MACF1: variants seen among roughly 807,000 people sequenced by gnomAD.
MACF1 encodes microtubule actin crosslinking factor 1.
Under a neutral mutation model 854.8 loss-of-function variants are expected in MACF1, and 193 were observed. That is an observed-to-expected ratio of 0.23 (90% confidence interval 0.20 to 0.25). The LOEUF (loss-of-function observed/expected upper bound fraction) is 0.25, where lower values mean the gene tolerates loss of function less well. MACF1 is among the 10% of genes least tolerant of loss of function. MACF1 has a pLI of 1.00. For missense variants in MACF1, 7,722 were observed against 8,929.1 expected, an observed-to-expected ratio of 0.86 and a Z score of 5.45; for synonymous variants, 3,185 against 3,226.7, an observed-to-expected ratio of 0.99 and a Z score of 0.44.
At chr1:39,359,604 A>G in intron 47 of MACF1, among the ~76,000 whole-genome samples, 1 of 152,096 alleles carries the variant, frequency 6.6e-6, no homozygotes, top group East Asian at 1.9e-4. Flanking sequence ...ATGCTTACCA[A>G]GCGTGGTGAA....
intron 53 of MACF1, 126 bp downstream of exon 53, chr1:39,378,649 C>G (rs1649918709): frequency 1.1e-6 from 1 of 916,920 alleles, no homozygotes; most frequent in African/African-American, 1.6e-5. Flanking sequence ...GGATAAAAAT[C>G]TGGGGAGAAG....
chr1:39,318,062 T>G (rs1290203958), intron 29 of MACF1, among the ~76,000 whole-genome samples: 2 of 152,180 alleles, frequency 1.3e-5, no homozygotes, highest in Non-Finnish European at 2.9e-5. Flanking sequence ...CTTGAGAAAT[T>G]ATAGTGATTC....
intron 64 of MACF1, 104 bp downstream of exon 64, chr1:39,429,430 A>T: frequency 1.4e-6 from 1 of 697,872 alleles, no homozygotes; most frequent in Non-Finnish European, 2.5e-6. Context: ...TGTATATATG[A>T]GAAGCTTAGT....
chr1:39,134,287 C>T (rs1038289519), intron 2 of MACF1, among the ~76,000 whole-genome samples: 29 of 151,676 alleles, frequency 1.9e-4, no homozygotes, highest in African/African-American at 7.0e-4. Context: ...ACCTCGTGAT[C>T]CGCCCACCTC....
At chr1:39,465,210 C>T (rs1644640300) in intron 95 of MACF1, 98 bp downstream of exon 95, 2 of 1,258,176 alleles carry the variant, frequency 1.6e-6, no homozygotes, top group African/African-American at 1.5e-5. Context: ...TAATCTGAAG[C>T]ATGCCTGGGT....
chr1:39,233,572 C>T (rs10888715), intron 2 of MACF1, among the ~76,000 whole-genome samples: 88,855 of 151,360 alleles, frequency 0.59, 28,080 homozygotes, highest in South Asian at 0.77. Context: ...TTCAGTAAAC[C>T]GTGGGTAAGG....
chr1:39,230,073 T>G (rs968405087), intron 1 of MACF1, among the ~76,000 whole-genome samples: 4 of 152,182 alleles, frequency 2.6e-5, no homozygotes, highest in Non-Finnish European at 5.9e-5. Context: ...TGGCTGTAGA[T>G]GTCCTTAATG....
At chr1:39,361,271 C>A in intron 48 of MACF1, 89 bp from the exon 49 acceptor site, 1 of 1,312,762 alleles carries the variant, frequency 7.6e-7, no homozygotes, top group African/African-American at 1.5e-5. Flanking sequence ...TCCAGTCCCC[C>A]TTGTGAGATA....
In MACF1 at chr1:39,432,598, C is replaced by G. The variant is rs781736187; in HGVS notation, c.17401C>G (p.Leu5801Val). The change falls in exon 67 of 101, where the codon CTG becomes GTG. Residue 5801 changes from leucine to valine, a missense_variant. Transcript: ENST00000564288. ...VAETKRKLMA[L>V]GPIRLEQDQT... The stretch of plus-strand genomic sequence containing the variant: ...TGAAACAAAACGGAAACTGATGGCT[C>G]TGGGTCCAATTCGCCTGGAACAGGA... 1.2e-6 allele frequency: 2 copies of G among 1,614,060 alleles called. No individual in the cohort carries two copies. Among genetic ancestry groups the G allele is most frequent in the Non-Finnish European group, 1.7e-6 (2 of 1,179,968 alleles).
rs139056046 is a variant in MACF1, at chr1:39,135,220, T to G, written c.220+50782T>G. Among the ~76,000 whole-genome samples, 1,045 of 152,282 alleles carry G rather than the reference T, an allele frequency of 6.9e-3. 1 individual carries two copies. Among genetic ancestry groups the G allele is most frequent in the Middle Eastern group, 0.01 (3 of 294 alleles). ...ATACTTGGCTTGCTAATAATATGAT[T>G]ATTTTTGGGTTTTTTTGACATCTTA... On this transcript the variant is annotated intron_variant, in intron 2 of 93. Transcript: ENST00000361689.
chr1:39,459,680 T>C (rs1398109940), intron 91 of MACF1: 2 of 382,438 alleles, frequency 5.2e-6, no homozygotes, highest in African/African-American at 2.1e-5. Context: ...GATTTTGTTA[T>C]TAGTCTTCAC....
chr1:39,446,984 G>C (rs1644243853), intron 80 of MACF1, among the ~76,000 whole-genome samples: 1 of 152,090 alleles, frequency 6.6e-6, no homozygotes, highest in South Asian at 2.1e-4. Context: ...TAAACAAAGA[G>C]TACTACATTG....
rs1378951832 is a variant in MACF1, at chr1:39,282,223, A to G, written c.544A>G (p.Ile182Val). Reference sequence around the variant, plus strand: ...CTTTTGGCAGATCTCTGACATCTACATTAGTGGAGAATCAGGGGATATGTC... The same window carrying G: ...CTTTTGGCAGATCTCTGACATCTACGTTAGTGGAGAATCAGGGGATATGTC... ...ILHFQISDIY[I>V]SGESGDMSAK... is the part of the protein sequence containing the mutation. Residue 182 changes from isoleucine to valine, a missense_variant, in exon 7 of 101, where the codon ATT becomes GTT. Physicochemically the swap from Ile to Val is conservative, Grantham distance 29 (BLOSUM62 3). Around this residue, in one of 15 missense-constraint regions of MACF1, gnomAD observed 108 missense variants for 196.4 expected, o/e 0.55. Transcript: ENST00000564288. 1.2e-6 allele frequency: 2 copies of G among 1,613,918 alleles called. No individual in the cohort carries two copies. Among genetic ancestry groups the G allele is most frequent in the East Asian group, 2.2e-5 (1 of 44,854 alleles).
intron 2 of MACF1, among the ~76,000 whole-genome samples, chr1:39,172,993 A>G (rs1453170425): frequency 2.0e-5 from 3 of 152,192 alleles, no homozygotes; most frequent in East Asian, 1.9e-4. Context: ...GAAAATAAAG[A>G]CCACTTAGGA....
Position 39,319,675 on chromosome 1 carries a change from A to G in MACF1, c.3957A>G (p.Ala1319=), listed in dbSNP as rs768930030. Residue 1319 remains alanine (A), a synonymous_variant, in exon 31 of 101, where the codon GCA becomes GCG. Transcript: ENST00000564288. The stretch of plus-strand genomic sequence containing the variant: ...ATTTTGCTTCCTAGGCCCTATTTGC[A>G]GAAATTGAGAGAAATCAGACAAAAC... ...EQLSQQTALF[A]EIERNQTKLD... 1 of 1,613,468 alleles carries G rather than the reference A, an allele frequency of 6.2e-7. No homozygotes were observed. Among genetic ancestry groups the G allele is most frequent in the Non-Finnish European group, 8.5e-7 (1 of 1,179,564 alleles).
At chr1:39,337,026 A>G (rs539264075) in intron 37 of MACF1, among the ~76,000 whole-genome samples, 156 bp from the exon 38 acceptor site, 5 of 152,322 alleles carry the variant, frequency 3.3e-5, no homozygotes, top group East Asian at 1.9e-4. Flanking sequence ...ACCTTTGTCT[A>G]TTGATTTGAA....
chr1:39,278,426 A>G (rs1184632930), intron 6 of MACF1, among the ~76,000 whole-genome samples: 1 of 152,248 alleles, frequency 6.6e-6, no homozygotes, highest in Admixed American at 6.5e-5. Flanking sequence ...AATCTGAAGT[A>G]AAGCTGTTCA....
At chr1:39,305,555 C>A (rs555309266) in intron 23 of MACF1, among the ~76,000 whole-genome samples, 1 of 152,318 alleles carries the variant, frequency 6.6e-6, no homozygotes, top group South Asian at 2.1e-4. Flanking sequence ...TCTATGCACA[C>A]ATATATGCAA....
At position 39,439,340 on chromosome 1, in the gene MACF1, G is replaced by A. The variant is rs200319787; in HGVS notation, c.18287G>A (p.Arg6096Gln). ...GACATCAAAGCTCGGGCTGAAGAAC[G>A]AGAAATCAAATTTCTTGATGTCCTT... Reference protein sequence around the residue: ...WEDIKARAEEREIKFLDVLEL... With the variant: ...WEDIKARAEEQEIKFLDVLEL... The change falls in exon 72 of 101, where the codon CGA becomes CAA. Residue 6096 changes from arginine (R) to glutamine (Q), a missense_variant. Arg to Gln is a conservative substitution (Grantham distance 43). Around this residue, in one of 15 missense-constraint regions of MACF1, gnomAD observed 2,807 missense variants for 3,235.8 expected, o/e 0.87. Transcript: ENST00000564288. The A allele has an allele frequency of 9.3e-6, 15 of 1,613,944 alleles. No homozygotes were observed. The highest frequency in any genetic ancestry group is 6.7e-5 in the East Asian group (3 of 44,856).
Sources: allele counts gnomAD v4.1 joint callset (sites outside exome capture counted in the v4.1 genomes callset), GRCh38; gene constraint gnomAD v4.1.1; regional missense constraint gnomAD v4.1.1; transcripts MANE v1.5; gene names NCBI Gene and HGNC (gene_info 2026-07-23, HGNC 2026-07-21).